The following DNAJC5B variants were observed in gnomAD, a reference collection of about 807,000 sequenced individuals.
DNAJC5B encodes dnaJ homolog subfamily C member 5B.
In DNAJC5B, 23 loss-of-function variants were observed where a neutral mutation model predicts 24.7. That is an observed-to-expected ratio of 0.93 (90% CI 0.67 to 1.32). DNAJC5B has a LOEUF of 1.32. DNAJC5B is among the 40% of genes most tolerant of loss of function. The pLI is 0.00. For missense variants in DNAJC5B, 238 were observed against 240.8 expected (o/e 0.99, Z 0.08); for synonymous variants, 101 against 90.1 (o/e 1.12, Z -0.68).
chr8:66,083,793 A>T (rs1807656899), intron 5 of DNAJC5B, among the ~76,000 whole-genome samples: 1 of 152,164 alleles, frequency 6.6e-6, no homozygotes, highest in Non-Finnish European at 1.5e-5. Flanking sequence ...ACTGAAACCT[A>T]TCCCTAACTC....
chr8:66,053,254 G>A lies in DNAJC5B; in HGVS notation c.119+1588G>A, dbSNP rs114542785. Among the ~76,000 whole-genome samples, 197 of 152,246 alleles carry A rather than the reference G, an allele frequency of 1.3e-3. 1 individual carries two copies. The highest frequency in any genetic ancestry group is 4.2e-3 in the African/African-American group (174 of 41,542). On this transcript the variant is annotated intron_variant, in intron 3 of 5. Transcript: ENST00000276570. ...TGAAGTCTAAATTTGCTAAGACTCA[G>A]GCTCTTTCTTACATATAGTTTTAAG... is the stretch of plus-strand genomic sequence containing the variant.
At chr8:66,072,401 TAACA>T (rs1347048169) in intron 3 of DNAJC5B, among the ~76,000 whole-genome samples, 2 of 152,104 alleles carry the variant, frequency 1.3e-5, no homozygotes, top group East Asian at 1.9e-4. Context: ...ACAAAACAAT[TAACA>T]AACAAAATCA....
intron 5 of DNAJC5B, among the ~76,000 whole-genome samples, chr8:66,096,517 G>A (rs544908210): frequency 2.0e-5 from 3 of 151,970 alleles, no homozygotes; most frequent in African/African-American, 7.2e-5. Flanking sequence ...AAGTTCTTTC[G>A]ATTTTTGATT....
chr8:66,069,647 C>G (rs1014337229), intron 3 of DNAJC5B, among the ~76,000 whole-genome samples: 1 of 152,204 alleles, frequency 6.6e-6, no homozygotes, highest in Non-Finnish European at 1.5e-5. Flanking sequence ...GGAGCTGGTA[C>G]CATTCCTTCT....
At chr8:66,050,448 C>G (rs990486665) in intron 2 of DNAJC5B, among the ~76,000 whole-genome samples, 1 of 152,104 alleles carries the variant, frequency 6.6e-6, no homozygotes, top group Non-Finnish European at 1.5e-5. Context: ...GGCTCTCACT[C>G]TCTTTCACCC....
At chr8:66,016,988 T>A (rs560567456), upstream of DNAJC5B, among the ~76,000 whole-genome samples, 1 of 152,032 alleles carries the variant, frequency 6.6e-6, no homozygotes, top group South Asian at 2.1e-4. Flanking sequence ...AAGTCAAATA[T>A]AATTTTTTTT....
At chr8:66,078,531 T>C (rs80067249) in intron 4 of DNAJC5B, among the ~76,000 whole-genome samples, 9,472 of 152,014 alleles carry the variant, frequency 0.062, 441 homozygotes, top group African/African-American at 0.12. Flanking sequence ...CAAAACATTA[T>C]ATGAATGAAA....
intron 5 of DNAJC5B, among the ~76,000 whole-genome samples, chr8:66,087,692 A>G (rs770796053): frequency 4.6e-5 from 7 of 152,218 alleles, no homozygotes; most frequent in Admixed American, 1.3e-4. Flanking sequence ...GCCCCAGACA[A>G]GTCTGAAACC....
At chr8:66,019,096 AC>A (rs1450142695), upstream of DNAJC5B, among the ~76,000 whole-genome samples, 1 of 152,192 alleles carries the variant, frequency 6.6e-6, no homozygotes, top group Non-Finnish European at 1.5e-5. Context: ...CCACACCTCC[AC>A]AGAATGTACA....
chr8:66,067,596 T>A (rs954169557), intron 3 of DNAJC5B, among the ~76,000 whole-genome samples: 2 of 151,996 alleles, frequency 1.3e-5, no homozygotes, highest in Non-Finnish European at 2.9e-5. Flanking sequence ...GGTCTACTAG[T>A]TTCTGCTTTT....
chr8:66,021,381 C>A (rs1806117804), upstream of DNAJC5B, among the ~76,000 whole-genome samples: 2 of 152,162 alleles, frequency 1.3e-5, no homozygotes, highest in Non-Finnish European at 2.9e-5. Context: ...TTTTGAATGG[C>A]AGAGCAAATG....
chr8:66,038,194 T>C (rs891798915), intron 1 of DNAJC5B, among the ~76,000 whole-genome samples: 1 of 152,230 alleles, frequency 6.6e-6, no homozygotes, highest in Non-Finnish European at 1.5e-5. Context: ...AGAAGTCACA[T>C]GATCACACCT....
At chr8:66,029,232 A>G (rs1000049226) in intron 1 of DNAJC5B, among the ~76,000 whole-genome samples, 3 of 152,218 alleles carry the variant, frequency 2.0e-5, no homozygotes, top group African/African-American at 7.2e-5. Context: ...GCCAGGTGGG[A>G]TTGGGAGACC....
chr8:66,068,158 T>G (rs760134917), intron 3 of DNAJC5B, among the ~76,000 whole-genome samples: 1 of 152,224 alleles, frequency 6.6e-6, no homozygotes, highest in Non-Finnish European at 1.5e-5. Context: ...TATGTTTTAA[T>G]GCAATGTTTG....
At position 66,080,564 on chromosome 8, in the gene DNAJC5B, A is replaced by G. The variant is rs765490496; in HGVS notation, c.505+16A>G. 6.3e-7 allele frequency: 1 copy of G among 1,582,594 alleles called. No homozygotes were observed. Among genetic ancestry groups the G allele is most frequent in the South Asian group, 1.2e-5 (1 of 86,160 alleles). On this transcript the variant is annotated intron_variant, in intron 5 of 5. Coordinates refer to ENST00000276570, the MANE Select transcript of DNAJC5B (RefSeq NM_033105.6). ...ATGGAAAAAGGTGGGGTAGGATGAG[A>G]GCAGAGGTAGTGAGTGTCCATTCAT... is the stretch of plus-strand genomic sequence containing the variant.
At chr8:66,030,354 A>T (rs1175702650) in intron 1 of DNAJC5B, among the ~76,000 whole-genome samples, 1 of 152,226 alleles carries the variant, frequency 6.6e-6, no homozygotes, top group Non-Finnish European at 1.5e-5. Context: ...AAAAGATTAA[A>T]ATCCCCTGGA....
intron 5 of DNAJC5B, among the ~76,000 whole-genome samples, chr8:66,087,192 C>T (rs909267081): frequency 6.6e-6 from 1 of 152,108 alleles, no homozygotes; most frequent in Non-Finnish European, 1.5e-5. Flanking sequence ...GAAGCAAGCA[C>T]CTTCTTCATA....
chr8:66,044,109 C>A (rs966076394), intron 2 of DNAJC5B, among the ~76,000 whole-genome samples: 1 of 152,170 alleles, frequency 6.6e-6, no homozygotes, highest in Non-Finnish European at 1.5e-5. Context: ...AGGTGCGAGC[C>A]CGGCCAAGAG....
Position 66,095,440 on chromosome 8 carries a change from T to C in DNAJC5B, c.506-4497T>C. Among the ~76,000 whole-genome samples the C allele has an allele frequency of 1.3e-5, 2 of 151,892 alleles. 1 individual carries two copies. Among genetic ancestry groups the C allele is most frequent in the Non-Finnish European group, 2.9e-5 (2 of 67,928 alleles). On this transcript the variant is annotated intron_variant, in intron 5 of 5. Coordinates refer to ENST00000276570, the MANE Select transcript of DNAJC5B (RefSeq NM_033105.6). Reference sequence around the variant, plus strand: ...CTTTTTTTTAACCATTCTCACCAGATGTCTTACAATATTATCAGTCTTCTC... The same window carrying C: ...CTTTTTTTTAACCATTCTCACCAGACGTCTTACAATATTATCAGTCTTCTC...
Sources: allele counts gnomAD v4.1 joint callset (sites outside exome capture counted in the v4.1 genomes callset), GRCh38; gene constraint gnomAD v4.1.1; transcripts MANE v1.5; gene names NCBI Gene and HGNC (gene_info 2026-07-23, HGNC 2026-07-21).